Variants in SLC16A2 observed in about 807,000 individuals in gnomAD.
The protein encoded by SLC16A2 is solute carrier family 16 member 2, also known as monocarboxylate transporter 8.
SLC16A2 carries 3 observed loss-of-function variants against 27.2 expected under a neutral mutation model. The observed-to-expected ratio is 0.11, with a 90% CI of 0.05 to 0.28. The LOEUF (loss-of-function observed/expected upper bound fraction) is 0.28, where lower values mean the gene tolerates loss of function less well. SLC16A2 is among the 10% of genes least tolerant of loss of function. The pLI is 1.00. For synonymous variants in SLC16A2, 202 were observed against 187.8 expected, an observed-to-expected ratio of 1.08 and a Z score of -0.62; for missense variants, 295 against 458.5, an observed-to-expected ratio of 0.64 and a Z score of 3.26.
At chrX:74,440,624 G>A (rs1276884040) in intron 1 of SLC16A2, among the ~76,000 whole-genome samples, 1 of 106,200 alleles carries the variant, frequency 9.4e-6, no homozygotes, top group African/African-American at 3.5e-5. Flanking sequence ...AAGAGAGAGA[G>A]AGTCAATTGT....
In SLC16A2 at chrX:74,450,614, T is replaced by C. The variant is rs1569286798; in HGVS notation, c.430+28547T>C. Among the ~76,000 whole-genome samples, 4 of 111,770 alleles carry C rather than the reference T, an allele frequency of 3.6e-5. 1 individual carries two copies. In the Admixed American group the frequency reaches 3.8e-4, roughly 11 times the overall value. Reference sequence around the variant, plus strand: ...GATCATGCTGATAGGGAAAAGAATATAACTTGGGGTTTTGGACCAAGCCAA... The same window carrying C: ...GATCATGCTGATAGGGAAAAGAATACAACTTGGGGTTTTGGACCAAGCCAA... On this transcript the variant is annotated intron_variant, in intron 1 of 5. Coordinates refer to ENST00000587091, the MANE Select transcript of SLC16A2 (RefSeq NM_006517.5).
chrX:74,504,813 G>T (rs1398214822), intron 1 of SLC16A2, among the ~76,000 whole-genome samples: 1 of 111,677 alleles, frequency 9.0e-6, no homozygotes, highest in East Asian at 2.8e-4. Flanking sequence ...CAAAATGGCA[G>T]AAACCCCAAC....
intron 1 of SLC16A2, among the ~76,000 whole-genome samples, chrX:74,435,683 G>T (rs1384523714): frequency 2.8e-5 from 3 of 107,407 alleles, no homozygotes; most frequent in East Asian, 5.8e-4. Flanking sequence ...GCAGCTTAAA[G>T]TTTAAGTGTA....
At chrX:74,515,511 C>T (rs2147867686) in intron 1 of SLC16A2, among the ~76,000 whole-genome samples, 1 of 111,852 alleles carries the variant, frequency 8.9e-6, no homozygotes, top group African/African-American at 3.2e-5. Context: ...GAAAACTTCC[C>T]AACTCTGGTA....
At chrX:74,456,299 T>C (rs1489186391) in intron 1 of SLC16A2, among the ~76,000 whole-genome samples, 1 of 111,540 alleles carries the variant, frequency 9.0e-6, no homozygotes, top group Non-Finnish European at 1.9e-5. Context: ...CCAAGATTCT[T>C]GGCCAGGCCC....
chrX:74,423,729 C>T (rs1191984151), intron 1 of SLC16A2, among the ~76,000 whole-genome samples: 1 of 111,513 alleles, frequency 9.0e-6, no homozygotes, highest in Admixed American at 9.5e-5. Context: ...TTCAGGGGCT[C>T]CTGGGAAAGC....
intron 1 of SLC16A2, among the ~76,000 whole-genome samples, chrX:74,504,778 C>G (rs1930094894): frequency 8.9e-6 from 1 of 112,108 alleles, no homozygotes; most frequent in Non-Finnish European, 1.9e-5. Context: ...ATGACTTGAG[C>G]TCAGGAGTTC....
chrX:74,495,465 A>C (rs1455088873), intron 1 of SLC16A2, among the ~76,000 whole-genome samples: 25 of 108,532 alleles, frequency 2.3e-4, no homozygotes, highest in East Asian at 1.7e-3. Flanking sequence ...CGAGAAAATC[A>C]GCCAGGCTGT....
intron 1 of SLC16A2, among the ~76,000 whole-genome samples, chrX:74,443,490 G>A (rs1928787677): frequency 8.9e-6 from 1 of 111,746 alleles, no homozygotes; most frequent in East Asian, 2.8e-4. Context: ...GTGGGTGAGT[G>A]ACCCCCAGTC....
At chrX:74,509,699 G>A (rs779791861) in intron 1 of SLC16A2, among the ~76,000 whole-genome samples, 2 of 111,069 alleles carry the variant, frequency 1.8e-5, no homozygotes, top group East Asian at 5.7e-4. Context: ...GAGTAGCTGG[G>A]ACTACAGGCA....
chrX:74,531,229 A>G (rs963983090), intron 5 of SLC16A2, 104 bp from the exon 6 acceptor site: 5 of 675,630 alleles, frequency 7.4e-6, no homozygotes, highest in Non-Finnish European at 1.2e-5. Context: ...AATACACGCC[A>G]AGATTATCTG....
At chrX:74,469,755 G>A (rs1368824181) in intron 1 of SLC16A2, among the ~76,000 whole-genome samples, 3 of 110,670 alleles carry the variant, frequency 2.7e-5, no homozygotes, top group African/African-American at 9.9e-5. Context: ...CCCCCAGCAT[G>A]CACAGCACCT....
chrX:74,511,427 C>T (rs1274288939), intron 1 of SLC16A2, among the ~76,000 whole-genome samples: 1 of 112,034 alleles, frequency 8.9e-6, no homozygotes, highest in East Asian at 2.8e-4. Flanking sequence ...GTGATCCTCA[C>T]GCCTCGGCCT....
At chrX:74,519,724 A>C (rs1434514650) in intron 1 of SLC16A2, among the ~76,000 whole-genome samples, 1 of 69,513 alleles carries the variant, frequency 1.4e-5, no homozygotes, top group Non-Finnish European at 3.7e-5. Flanking sequence ...TCAAAAAAAA[A>C]AAAAAACAAA....
chrX:74,505,302 T>C (rs183420917), intron 1 of SLC16A2, among the ~76,000 whole-genome samples: 1 of 112,011 alleles, frequency 8.9e-6, no homozygotes, highest in East Asian at 2.8e-4. Flanking sequence ...ATATCCTCTG[T>C]CCTGAAGGGG....
At chrX:74,496,380 C>A (rs1274595642) in intron 1 of SLC16A2, among the ~76,000 whole-genome samples, 2 of 111,452 alleles carry the variant, frequency 1.8e-5, no homozygotes, top group Admixed American at 1.9e-4. Flanking sequence ...CCAGGGGCCA[C>A]GAGTCTCCCA....
chrX:74,427,809 G>A (rs748407746), intron 1 of SLC16A2, among the ~76,000 whole-genome samples: 115 of 71,124 alleles, frequency 1.6e-3, no homozygotes, highest in Non-Finnish European at 2.5e-3. Context: ...GTGCACGCGC[G>A]CGCACACACA....
chrX:74,507,929 C>A (rs1037558534), intron 1 of SLC16A2, among the ~76,000 whole-genome samples: 2 of 111,724 alleles, frequency 1.8e-5, no homozygotes, highest in East Asian at 2.8e-4. Context: ...ATATCTTGGC[C>A]GTTGTGAATA....
chrX:74,528,949 C>T (rs959428392), intron 4 of SLC16A2, among the ~76,000 whole-genome samples: 6 of 111,972 alleles, frequency 5.4e-5, no homozygotes, highest in Non-Finnish European at 9.4e-5. Context: ...CTTCTTGAGG[C>T]CAGGGGCCAA....
Sources: allele counts gnomAD v4.1 joint callset (sites outside exome capture counted in the v4.1 genomes callset), GRCh38; gene constraint gnomAD v4.1.1; transcripts MANE v1.5; gene names NCBI Gene and HGNC (gene_info 2026-07-23, HGNC 2026-07-21).